FTCDNL1: variants seen among roughly 807,000 people sequenced by gnomAD.
FTCDNL1 encodes the protein formiminotransferase cyclodeaminase N-terminal like.
A neutral mutation model predicts 5.9 loss-of-function variants in FTCDNL1; 11 were observed. The observed-to-expected ratio is 1.87, with a 90% CI of 1.18 to 3.10. The LOEUF is 3.10. FTCDNL1 is among the 30% of genes most tolerant of loss of function. The pLI is 0.00. For synonymous variants in FTCDNL1, 58 were observed against 24.8 expected (o/e 2.34, Z -3.99); for missense variants, 115 against 65.5 (o/e 1.76, Z -2.61).
At chr2:199,768,411 C>T (rs1698639294) in intron 3 of FTCDNL1, among the ~76,000 whole-genome samples, 1 of 152,096 alleles carries the variant, frequency 6.6e-6, no homozygotes, top group Non-Finnish European at 1.5e-5. Context: ...TTATATACTA[C>T]TACATTTACT....
At chr2:199,768,446 TAC>T (rs1302806119) in intron 3 of FTCDNL1, among the ~76,000 whole-genome samples, 1 of 152,256 alleles carries the variant, frequency 6.6e-6, no homozygotes, top group East Asian at 1.9e-4. Flanking sequence ...TGAGCCATTT[TAC>T]AGTCATCTCA....
chr2:199,715,763 C>T, the FTCDNL1 span, among the ~76,000 whole-genome samples: 1 of 151,830 alleles, frequency 6.6e-6, no homozygotes, highest in Non-Finnish European at 1.5e-5. Context: ...TCCAAGAAAA[C>T]ATAGCTTGTA....
the FTCDNL1 span, among the ~76,000 whole-genome samples, chr2:199,689,045 T>C: frequency 1.3e-5 from 2 of 152,200 alleles, no homozygotes; most frequent in African/African-American, 2.4e-5. Context: ...TTATTTATAA[T>C]ACCAAAACAT....
the FTCDNL1 span, among the ~76,000 whole-genome samples, chr2:199,707,995 T>G: frequency 1.3e-5 from 2 of 152,128 alleles, no homozygotes; most frequent in Non-Finnish European, 2.9e-5. Flanking sequence ...AATATTTGAC[T>G]GTAATTTCTA....
At chr2:199,836,196 G>A (rs755293590) in intron 3 of FTCDNL1, among the ~76,000 whole-genome samples, 20 of 151,990 alleles carry the variant, frequency 1.3e-4, no homozygotes, top group African/African-American at 1.9e-4. Context: ...ATAGGGTCTC[G>A]CTCTGTTGCC....
At chr2:199,777,844 G>T (rs1699171073) in intron 3 of FTCDNL1, among the ~76,000 whole-genome samples, 1 of 152,068 alleles carries the variant, frequency 6.6e-6, no homozygotes, top group African/African-American at 2.4e-5. Context: ...CCAAAGGAGG[G>T]AGCGTGCAGG....
chr2:199,681,233 C>T, the FTCDNL1 span, among the ~76,000 whole-genome samples: 1 of 151,788 alleles, frequency 6.6e-6, no homozygotes, highest in South Asian at 2.1e-4. Context: ...GCAGGTGGAT[C>T]ACCTGAGGTC....
chr2:199,744,867 C>A, the FTCDNL1 span, among the ~76,000 whole-genome samples: 1 of 152,232 alleles, frequency 6.6e-6, no homozygotes, highest in African/African-American at 2.4e-5. Context: ...AGCCTGCTCT[C>A]CCAGCCTCTG....
chr2:199,665,918 C>T, the FTCDNL1 span, among the ~76,000 whole-genome samples: 4 of 151,914 alleles, frequency 2.6e-5, no homozygotes, highest in Non-Finnish European at 5.9e-5. Flanking sequence ...CAGTAATTAC[C>T]AGCAAAACCC....
intron 3 of FTCDNL1, among the ~76,000 whole-genome samples, chr2:199,836,768 A>G (rs1702775005): frequency 6.6e-6 from 1 of 152,180 alleles, no homozygotes; most frequent in African/African-American, 2.4e-5. Flanking sequence ...TGTTTCAAAA[A>G]AAAAGGAAGA....
intron 2 of FTCDNL1, among the ~76,000 whole-genome samples, chr2:199,848,270 C>G (rs571699393): frequency 2.0e-5 from 3 of 152,156 alleles, no homozygotes; most frequent in Non-Finnish European, 4.4e-5. Flanking sequence ...GGCATGAGTT[C>G]CAGTCTTCTG....
chr2:199,758,589 C>T (rs1458628011), downstream of FTCDNL1, among the ~76,000 whole-genome samples: 1 of 152,182 alleles, frequency 6.6e-6, no homozygotes, highest in Admixed American at 6.5e-5. Flanking sequence ...CCGCATCTCC[C>T]AGCAAATCCT....
At chr2:199,672,974 G>C in the FTCDNL1 span, among the ~76,000 whole-genome samples, 1 of 152,018 alleles carries the variant, frequency 6.6e-6, no homozygotes, top group Non-Finnish European at 1.5e-5. Context: ...AGAATTTGCA[G>C]ATTCTTTTTA....
At chr2:199,805,149 G>A (rs549102504), downstream of FTCDNL1, among the ~76,000 whole-genome samples, 1 of 152,298 alleles carries the variant, frequency 6.6e-6, no homozygotes, top group South Asian at 2.1e-4. Context: ...CACTGCTGAA[G>A]TGGGGCTTCT....
the FTCDNL1 span, among the ~76,000 whole-genome samples, chr2:199,727,764 A>G: frequency 3.3e-4 from 51 of 152,292 alleles, no homozygotes; most frequent in African/African-American, 1.2e-3. Flanking sequence ...TTTGGCCTCA[A>G]TTAAAAATAA....
chr2:199,697,204 A>G, the FTCDNL1 span, among the ~76,000 whole-genome samples: 1 of 152,124 alleles, frequency 6.6e-6, no homozygotes, highest in Non-Finnish European at 1.5e-5. Context: ...CCTGGGAGGC[A>G]GAGCTTGCAA....
the FTCDNL1 span, among the ~76,000 whole-genome samples, chr2:199,675,989 T>C: frequency 2.6e-5 from 4 of 152,164 alleles, no homozygotes; most frequent in African/African-American, 9.7e-5. Context: ...TGAGCTCAAG[T>C]GATCCTCCTG....
At chr2:199,744,903 G>A in the FTCDNL1 span, among the ~76,000 whole-genome samples, 1 of 152,210 alleles carries the variant, frequency 6.6e-6, no homozygotes, top group African/African-American at 2.4e-5. Flanking sequence ...CAAGAGACGG[G>A]AAAACGCCCG....
chr2:199,695,917 A>G, the FTCDNL1 span, among the ~76,000 whole-genome samples: 3 of 152,162 alleles, frequency 2.0e-5, no homozygotes, highest in African/African-American at 7.2e-5. Flanking sequence ...TATCTTGCCC[A>G]TGGGACCGAG....
Sources: gnomAD v4.1 joint callset for allele counts (sites outside exome capture counted in the v4.1 genomes callset) on GRCh38, gnomAD v4.1.1 for gene constraint, MANE v1.5 for transcripts, NCBI Gene and HGNC (gene_info 2026-07-23, HGNC 2026-07-21) for gene names.